The following MDGA2 variants were observed in gnomAD, a reference collection of about 807,000 sequenced individuals.
MDGA2 encodes MAM domain containing glycosylphosphatidylinositol anchor 2.
A neutral mutation model predicts 117.8 loss-of-function variants in MDGA2; 40 were observed. The ratio of observed to expected loss-of-function variants is 0.34; its 90% CI spans 0.26 to 0.44. MDGA2 has a LOEUF of 0.44. Ranked by LOEUF, MDGA2 falls within the 20% of genes least tolerant of loss-of-function variation. The probability of loss-of-function intolerance (pLI) is 1.00; values close to 1 mark genes in which losing one functional copy is unlikely to be tolerated. For synonymous variants in MDGA2, 452 were observed against 439.0 expected (o/e 1.03, Z -0.37); for missense variants, 1,123 against 1,250.6 (o/e 0.90, Z 1.54).
chr14:47,213,470 G>T (rs1288695319), intron 3 of MDGA2, among the ~76,000 whole-genome samples: 2 of 151,938 alleles, frequency 1.3e-5, no homozygotes, highest in Non-Finnish European at 2.9e-5. Flanking sequence ...TTATAATTAA[G>T]AACACATGTC....
chr14:47,287,697 G>T (rs918903007), intron 2 of MDGA2, among the ~76,000 whole-genome samples: 6 of 152,088 alleles, frequency 3.9e-5, no homozygotes, highest in African/African-American at 1.2e-4. Flanking sequence ...ATATGTTACA[G>T]GTTGATTATG....
chr14:47,227,821 A>T (rs1278710205), intron 2 of MDGA2, among the ~76,000 whole-genome samples: 1 of 152,168 alleles, frequency 6.6e-6, no homozygotes, highest in Non-Finnish European at 1.5e-5. Context: ...TGAACAGTTG[A>T]CTGCCTTAAA....
At chr14:47,402,701 T>G (rs981258719) in intron 1 of MDGA2, among the ~76,000 whole-genome samples, 3 of 152,208 alleles carry the variant, frequency 2.0e-5, no homozygotes, top group African/African-American at 7.2e-5. Context: ...TTACAAAATA[T>G]CATATGCATG....
chr14:47,131,003 A>G (rs1295557300), intron 5 of MDGA2, among the ~76,000 whole-genome samples: 1 of 152,064 alleles, frequency 6.6e-6, no homozygotes, highest in Non-Finnish European at 1.5e-5. Context: ...TGTACCCTAG[A>G]ACTTAAAGTA....
intron 9 of MDGA2, among the ~76,000 whole-genome samples, chr14:46,921,125 C>A (rs1884111606): frequency 6.6e-6 from 1 of 152,000 alleles, no homozygotes; most frequent in African/African-American, 2.4e-5. Flanking sequence ...TAATGAGAAC[C>A]TATTCAATGC....
At chr14:47,593,939 G>A (rs1896489020) in intron 1 of MDGA2, among the ~76,000 whole-genome samples, 1 of 152,124 alleles carries the variant, frequency 6.6e-6, no homozygotes, top group Non-Finnish European at 1.5e-5. Flanking sequence ...TGTGAGGTTA[G>A]TTACTGCAAA....
chr14:47,666,894 A>T (rs1323991547), intron 1 of MDGA2, among the ~76,000 whole-genome samples: 1 of 151,974 alleles, frequency 6.6e-6, no homozygotes, highest in Non-Finnish European at 1.5e-5. Context: ...CTCCAGACAT[A>T]CCGCCTTAAG....
chr14:47,154,685 T>A (rs1182333148), intron 3 of MDGA2, among the ~76,000 whole-genome samples: 1 of 152,140 alleles, frequency 6.6e-6, no homozygotes, highest in East Asian at 1.9e-4. Context: ...TCTTACTACC[T>A]CACCCACCTC....
chr14:47,139,854 A>T (rs1205559629), intron 4 of MDGA2, among the ~76,000 whole-genome samples: 1 of 142,264 alleles, frequency 7.0e-6, no homozygotes, highest in Non-Finnish European at 1.5e-5. Flanking sequence ...ACACATATAT[A>T]TACACATATA....
chr14:47,160,233 C>T (rs1425861411), intron 3 of MDGA2, among the ~76,000 whole-genome samples: 1 of 152,106 alleles, frequency 6.6e-6, no homozygotes, highest in Non-Finnish European at 1.5e-5. Flanking sequence ...TTGTGCAAAA[C>T]CATATTAATG....
chr14:46,854,401 T>G (rs1881181768), intron 15 of MDGA2, among the ~76,000 whole-genome samples: 1 of 151,644 alleles, frequency 6.6e-6, no homozygotes, highest in Non-Finnish European at 1.5e-5. Flanking sequence ...AACAGTATAT[T>G]AACTCCACTG....
At chr14:46,967,790 A>C (rs1886094259) in intron 8 of MDGA2, among the ~76,000 whole-genome samples, 1 of 152,200 alleles carries the variant, frequency 6.6e-6, no homozygotes, top group African/African-American at 2.4e-5. Flanking sequence ...ACCTATGATA[A>C]ATTTTCATTT....
At chr14:47,089,607 A>AT (rs368652679) in intron 6 of MDGA2, among the ~76,000 whole-genome samples, 2,689 of 151,648 alleles carry the variant, frequency 0.018, 78 homozygotes, top group African/African-American at 0.06. Context: ...ATGTTTTTGT[A>AT]TTTTTTTTAT....
chr14:47,498,455 G>C (rs955886925), intron 1 of MDGA2, among the ~76,000 whole-genome samples: 4 of 151,964 alleles, frequency 2.6e-5, no homozygotes, highest in Non-Finnish European at 5.9e-5. Flanking sequence ...CTTGATTTTT[G>C]CTGTTAGACT....
At chr14:47,442,409 A>G (rs546872670) in intron 1 of MDGA2, among the ~76,000 whole-genome samples, 1 of 152,154 alleles carries the variant, frequency 6.6e-6, no homozygotes, top group South Asian at 2.1e-4. Flanking sequence ...ACAGGACAGG[A>G]GTTTCCAGCA....
At chr14:47,032,101 T>C (rs1463723157) in intron 8 of MDGA2, among the ~76,000 whole-genome samples, 1 of 152,104 alleles carries the variant, frequency 6.6e-6, no homozygotes, top group Non-Finnish European at 1.5e-5. Flanking sequence ...GAATACAAAA[T>C]ATATAAAGCA....
chr14:46,887,963 G>A (rs183496228), intron 10 of MDGA2, among the ~76,000 whole-genome samples: 1 of 151,968 alleles, frequency 6.6e-6, no homozygotes, highest in East Asian at 1.9e-4. Context: ...CTGAAAATTT[G>A]TAGTACATTA....
At chr14:47,035,437 G>A in intron 7 of MDGA2, 133 bp from the exon 8 acceptor site, 1 of 655,494 alleles carries the variant, frequency 1.5e-6, no homozygotes, top group Non-Finnish European at 2.6e-6. Flanking sequence ...AAAACCTTGG[G>A]AATAAATGGA....
At chr14:47,589,794 C>T (rs7140712) in intron 1 of MDGA2, among the ~76,000 whole-genome samples, 7,646 of 151,954 alleles carry the variant, frequency 0.05, 644 homozygotes, top group African/African-American at 0.17. Flanking sequence ...TTCCAATCCA[C>T]GAACACGAGA....
Sources: gnomAD v4.1 joint callset for allele counts (sites outside exome capture counted in the v4.1 genomes callset) on GRCh38, gnomAD v4.1.1 for gene constraint, MANE v1.5 for transcripts, NCBI Gene and HGNC (gene_info 2026-07-23, HGNC 2026-07-21) for gene names.